Variants in FBXO25 observed in about 807,000 individuals in gnomAD.
The protein encoded by FBXO25 is F-box only protein 25.
Under a neutral mutation model 51.9 loss-of-function variants are expected in FBXO25, and 45 were observed. The observed-to-expected ratio is 0.87, with a 90% CI of 0.68 to 1.11. The LOEUF is 1.11. FBXO25 is among the 50% of genes most tolerant of loss of function. The pLI is 0.00. For synonymous variants in FBXO25, 199 were observed against 151.0 expected (o/e 1.32, Z -2.33); for missense variants, 507 against 428.5 (o/e 1.18, Z -1.62).
intron 2 of FBXO25, among the ~76,000 whole-genome samples, chr8:422,822 C>T (rs1232979500): frequency 6.6e-6 from 1 of 152,144 alleles, no homozygotes; most frequent in Non-Finnish European, 1.5e-5. Context: ...GAGTGGAGAG[C>T]CTCCCTGGTG....
At chr8:443,801 G>A (rs1428938328) in intron 5 of FBXO25, among the ~76,000 whole-genome samples, 5 of 151,930 alleles carry the variant, frequency 3.3e-5, no homozygotes, top group Non-Finnish European at 7.4e-5. Flanking sequence ...GTTCTGCTTT[G>A]GCTTGCTAGA....
intron 5 of FBXO25, among the ~76,000 whole-genome samples, chr8:442,033 T>C (rs1798456449): frequency 6.6e-6 from 1 of 152,210 alleles, no homozygotes; most frequent in South Asian, 2.1e-4. Context: ...GCAAATTAGA[T>C]GGAACTGTTG....
chr8:432,948 T>C lies in FBXO25; in HGVS notation c.288+13T>C. On this transcript the variant is annotated intron_variant, in intron 4 of 9. Transcript: ENST00000350302. ...AAGCACAAAGGAAGTAAGTATTCTA[T>C]TATAAATATGAGAGTATCTTGTATT... 1 of 1,551,850 alleles carries C rather than the reference T, an allele frequency of 6.4e-7. No individual in the cohort carries two copies. The highest frequency in any genetic ancestry group is 8.7e-7 in the Non-Finnish European group (1 of 1,151,950).
intron 8 of FBXO25, among the ~76,000 whole-genome samples, chr8:461,885 T>C (rs1799841154): frequency 6.6e-6 from 1 of 152,252 alleles, no homozygotes; most frequent in Non-Finnish European, 1.5e-5. Flanking sequence ...ACTTTTTGTT[T>C]ATCCATTCAT....
At chr8:432,971 A>G in intron 4 of FBXO25, 36 bp downstream of exon 4, 1 of 1,512,980 alleles carries the variant, frequency 6.6e-7, no homozygotes, top group African/African-American at 1.4e-5. Context: ...AGTATCTTGT[A>G]TTGTTTCTGT....
At chr8:419,325 T>C (rs979520130) in intron 2 of FBXO25, among the ~76,000 whole-genome samples, 1 of 152,178 alleles carries the variant, frequency 6.6e-6, no homozygotes, top group African/African-American at 2.4e-5. Context: ...GCAGAGATCC[T>C]GTCATTGCAC....
chr8:432,278 C>G (rs1031456367), intron 3 of FBXO25, among the ~76,000 whole-genome samples: 15 of 152,048 alleles, frequency 9.9e-5, no homozygotes, highest in Non-Finnish European at 1.8e-4. Context: ...GCATCCCAGG[C>G]AGGACAGAGC....
In FBXO25 at chr8:476,623, A is replaced by G. The variant is rs892310323; in HGVS notation, c.*7819A>G. The G allele has an allele frequency of 3.9e-5, 6 of 152,196 alleles. No homozygotes were observed. The highest frequency in any genetic ancestry group is 7.3e-5 in the Non-Finnish European group (5 of 68,030). The allele number at this position is 152,196 out of a possible 1,614,324, so 9.4% of individuals were successfully genotyped here. On this transcript the variant is annotated 3_prime_UTR_variant, in exon 10 of 10. Coordinates refer to ENST00000350302, the MANE Select transcript of FBXO25 (RefSeq NM_183420.2). ...AGAATTTGTCCAGTTCATCTAGGTTATCCAATTCTTTGATATGTAATTGCT... is the reference window on the plus strand; with the variant it reads ...AGAATTTGTCCAGTTCATCTAGGTTGTCCAATTCTTTGATATGTAATTGCT...
chr8:455,156 G>A (rs921335583), intron 7 of FBXO25, among the ~76,000 whole-genome samples: 2 of 152,158 alleles, frequency 1.3e-5, no homozygotes, highest in Non-Finnish European at 2.9e-5. Flanking sequence ...CCAAATGTGT[G>A]GACTGCTTGG....
intron 1 of FBXO25, chr8:407,281 G>A: frequency 9.9e-6 from 9 of 909,322 alleles, no homozygotes; most frequent in Non-Finnish European, 1.2e-5. Flanking sequence ...GGGGACCGGG[G>A]GCCTCGGGCG....
intron 5 of FBXO25, among the ~76,000 whole-genome samples, chr8:436,056 T>G (rs1798086561): frequency 6.6e-6 from 1 of 152,240 alleles, no homozygotes; most frequent in Non-Finnish European, 1.5e-5. Context: ...CCTGATGATT[T>G]CACAAATGTT....
In FBXO25 at chr8:452,645, G is replaced by C. The variant is rs373683356; in HGVS notation, c.660+1192G>C. On this transcript the variant is annotated intron_variant, in intron 7 of 9. Coordinates refer to ENST00000350302, the MANE Select transcript of FBXO25 (RefSeq NM_183420.2). ...TTTCATGGTCAGGATCCCAAGGAAG[G>C]GGGTGTTTGGGAAAGGCCAAACACC... is the stretch of plus-strand genomic sequence containing the variant. Among the ~76,000 whole-genome samples, 6 of 152,310 alleles carry C rather than the reference G, an allele frequency of 3.9e-5. No individual in the cohort carries two copies. In the East Asian group the frequency reaches 5.8e-4, roughly 15 times the overall value.
chr8:467,801 G>A (rs935846814), intron 9 of FBXO25: 17 of 1,609,046 alleles, frequency 1.1e-5, no homozygotes, highest in South Asian at 2.2e-5. Flanking sequence ...GTTGCATCGT[G>A]CTGCATCTCA....
chr8:468,563 T>C (rs768094059), intron 9 of FBXO25, 152 bp from the exon 10 acceptor site: 2 of 605,300 alleles, frequency 3.3e-6, no homozygotes, highest in African/African-American at 1.9e-5. Flanking sequence ...GCTGCCCTTG[T>C]GTTGGTCATT....
At chr8:456,166 C>G (rs1020800407) in intron 7 of FBXO25, among the ~76,000 whole-genome samples, 5 of 152,148 alleles carry the variant, frequency 3.3e-5, no homozygotes, top group African/African-American at 1.2e-4. Context: ...GAGTGTTAGA[C>G]TTTTAGTTAG....
chr8:458,985 TC>T (rs1799634184), intron 8 of FBXO25, among the ~76,000 whole-genome samples: 1 of 151,900 alleles, frequency 6.6e-6, no homozygotes, highest in Non-Finnish European at 1.5e-5. Context: ...CCACAGCCCC[TC>T]CCCCCTGCCT....
chr8:423,395 C>G (rs182574451), intron 2 of FBXO25, among the ~76,000 whole-genome samples: 25 of 152,272 alleles, frequency 1.6e-4, no homozygotes, highest in Admixed American at 1.2e-3. Context: ...CAGATCCTGT[C>G]ACCTCGTTAG....
rs150598525 is a variant in FBXO25 at position 420,223 on chromosome 8, C to T, written c.134+7010C>T. Among the ~76,000 whole-genome samples the T allele has an allele frequency of 9.2e-5, 14 of 152,240 alleles. No individual in the cohort carries two copies. The East Asian group carries it at 2.7e-3, about 29-fold the overall frequency. ...GATTTGGAAGGCTGTGCACCTTCCT[C>T]ATAAGGTACCAGCAGAGGCCTACGT... On this transcript the variant is annotated intron_variant, in intron 2 of 9. Transcript: ENST00000350302.
At chr8:435,345 G>A (rs183142028) in intron 4 of FBXO25, 7 of 453,006 alleles carry the variant, frequency 1.5e-5, no homozygotes, top group African/African-American at 2.1e-5. Context: ...AAAACAAACC[G>A]GCAAGATATT....
Sources: gnomAD v4.1 joint callset for allele counts (sites outside exome capture counted in the v4.1 genomes callset) on GRCh38, gnomAD v4.1.1 for gene constraint, MANE v1.5 for transcripts, NCBI Gene and HGNC (gene_info 2026-07-23, HGNC 2026-07-21) for gene names.